The following EFHB variants were observed in gnomAD, a reference collection of about 807,000 sequenced individuals.
The protein encoded by EFHB is EF-hand domain-containing family member B.
A neutral mutation model predicts 87.2 loss-of-function variants in EFHB; 91 were observed. That is an observed-to-expected ratio of 1.04 (90% CI 0.88 to 1.24). The LOEUF (loss-of-function observed/expected upper bound fraction) is 1.24. EFHB is among the 50% of genes most tolerant of loss of function. The pLI is 0.00. For missense variants in EFHB, 1,084 were observed against 998.8 expected (o/e 1.09, Z -1.15); for synonymous variants, 325 against 333.6 (o/e 0.97, Z 0.28).
intron 1 of EFHB, 46 bp downstream of exon 1, chr3:19,933,184 T>G: frequency 1.3e-6 from 2 of 1,538,566 alleles, no homozygotes; most frequent in Non-Finnish European, 1.8e-6. Flanking sequence ...AATAAAGACA[T>G]GGCTATACAC....
chr3:19,913,409 A>C (rs1366327860), intron 5 of EFHB, among the ~76,000 whole-genome samples: 1 of 152,244 alleles, frequency 6.6e-6, no homozygotes, highest in African/African-American at 2.4e-5. Flanking sequence ...ACAGTGAATG[A>C]TGTGAAAAAG....
At chr3:19,912,027 A>G (rs946491234) in intron 5 of EFHB, among the ~76,000 whole-genome samples, 3 of 152,118 alleles carry the variant, frequency 2.0e-5, no homozygotes, top group East Asian at 3.8e-4. Flanking sequence ...ATAGGAGTAG[A>G]AAGTTTATTC....
intron 4 of EFHB, among the ~76,000 whole-genome samples, chr3:19,916,500 G>A (rs1352854515): frequency 6.6e-6 from 1 of 151,842 alleles, no homozygotes; most frequent in Non-Finnish European, 1.5e-5. Context: ...GGGCAACAGA[G>A]TGAGACTCCG....
intron 1 of EFHB, chr3:19,943,347 T>C (rs1355013060): frequency 5.7e-6 from 1 of 175,224 alleles, no homozygotes; most frequent in Non-Finnish European, 1.2e-5. Context: ...GATTGGATTC[T>C]GAAGAAAGAC....
Position 19,884,481 on chromosome 3 carries a change from G to A in EFHB, c.2068C>T (p.Pro690Ser). 6.2e-7 allele frequency: 1 copy of A among 1,613,926 alleles called. No individual in the cohort carries two copies. Among genetic ancestry groups the A allele is most frequent in the South Asian group, 1.1e-5 (1 of 91,082 alleles). The change falls in exon 11 of 13, where the codon CCA becomes TCA. Residue 690 changes from proline (P) to serine (S), a missense_variant. By Grantham distance (74) the Pro-to-Ser change is moderately conservative (BLOSUM62 -1). Coordinates refer to ENST00000295824, the MANE Select transcript of EFHB (RefSeq NM_144715.4). ...TAGTAGTTGGAAACTTTATCACTTGGTCTCAGAAGTGTCCGGAGAGTCTTT... is the reference window on the plus strand; with the variant it reads ...TAGTAGTTGGAAACTTTATCACTTGATCTCAGAAGTGTCCGGAGAGTCTTT... ...TEKTLRTLLR[P>S]SDKVSNYYKT...
upstream of EFHB, chr3:19,936,256 G>A: frequency 1.4e-6 from 1 of 735,352 alleles, no homozygotes; most frequent in Non-Finnish European, 2.4e-6. Context: ...AGGCTGAAGT[G>A]GGAGGATCAC....
At chr3:19,904,868 C>CT (rs770201938) in intron 6 of EFHB, among the ~76,000 whole-genome samples, 1 of 152,172 alleles carries the variant, frequency 6.6e-6, no homozygotes, top group Non-Finnish European at 1.5e-5. Context: ...TATCCACAAT[C>CT]TTCTGATTTT....
At chr3:19,888,728 G>GA in intron 9 of EFHB, 77 bp from the exon 10 acceptor site, 1 of 1,199,956 alleles carries the variant, frequency 8.3e-7, no homozygotes, top group Non-Finnish European at 1.2e-6. Context: ...TTTAGTTTAA[G>GA]AAAAAAGAAA....
intron 1 of EFHB, among the ~76,000 whole-genome samples, chr3:19,928,246 T>C (rs1047575802): frequency 6.6e-6 from 1 of 152,138 alleles, no homozygotes; most frequent in Non-Finnish European, 1.5e-5. Flanking sequence ...AAATGAACTA[T>C]TTTAATTCAG....
At chr3:19,887,344 C>T (rs6550213) in intron 10 of EFHB, among the ~76,000 whole-genome samples, 42,137 of 146,058 alleles carry the variant, frequency 0.29, 6,749 homozygotes, top group African/African-American at 0.42. Flanking sequence ...AAGATCACAC[C>T]ACTGCACTCC....
intron 1 of EFHB, among the ~76,000 whole-genome samples, chr3:19,929,409 C>G (rs1367157035): frequency 6.6e-6 from 1 of 151,622 alleles, no homozygotes; most frequent in Non-Finnish European, 1.5e-5. Context: ...AAAGAGTTAA[C>G]TAAAGAATTG....
intron 6 of EFHB, among the ~76,000 whole-genome samples, chr3:19,901,188 A>G (rs2929379): frequency 1 from 152,033 of 152,264 alleles, 75,902 homozygotes; most frequent in Middle Eastern, 1. Context: ...AGGGAGCCAC[A>G]CTAGGAAAAA....
rs754298243 is a variant in EFHB at position 19,879,817 on chromosome 3, A to C, written c.2329-13T>G. On this transcript the variant is annotated splice_polypyrimidine_tract_variant and intron_variant, in intron 12 of 12. Transcript: ENST00000295824. The stretch of plus-strand genomic sequence containing the variant: ...ATATCTCTGCAATCTAGAAAAAGGC[A>C]TTTAAAATAGACCATGATTTATATG... The C allele has an allele frequency of 1.3e-6, 2 of 1,566,252 alleles. No individual in the cohort carries two copies. Among genetic ancestry groups the C allele is most frequent in the African/African-American group, 2.7e-5 (2 of 72,992 alleles).
intron 9 of EFHB, among the ~76,000 whole-genome samples, chr3:19,892,594 G>A (rs536416140): frequency 2.6e-5 from 4 of 152,306 alleles, no homozygotes; most frequent in Non-Finnish European, 5.9e-5. Context: ...GATTCTAGGA[G>A]GTTCAAATTT....
chr3:19,885,607 A>T (rs1694071961), intron 10 of EFHB, among the ~76,000 whole-genome samples: 1 of 152,194 alleles, frequency 6.6e-6, no homozygotes, highest in South Asian at 2.1e-4. Flanking sequence ...ATCTTTAGAA[A>T]AATTCTAAAG....
intron 1 of EFHB, among the ~76,000 whole-genome samples, chr3:19,927,953 A>G (rs1695688452): frequency 6.7e-6 from 1 of 148,748 alleles, no homozygotes. Context: ...TATATAGTAT[A>G]TACTATATAT....
At chr3:19,913,565 C>A (rs1311822125) in intron 5 of EFHB, among the ~76,000 whole-genome samples, 1 of 152,124 alleles carries the variant, frequency 6.6e-6, no homozygotes, top group Non-Finnish European at 1.5e-5. Context: ...AAATCAAAAA[C>A]TATTTTATGT....
chr3:19,918,304 G>A lies in EFHB; in HGVS notation c.1105C>T (p.His369Tyr). ...TTTGGTAATCCTGGTGCTTGATCGTGAGATTTTCCTAATGGTGCTCGTCGA... is the reference window on the plus strand; with the variant it reads ...TTTGGTAATCCTGGTGCTTGATCGTAAGATTTTCCTAATGGTGCTCGTCGA... ...SNRRAPLGKSHDQAPGLPKGM... is the reference protein window; with the variant it reads ...SNRRAPLGKSYDQAPGLPKGM... Residue 369 changes from histidine (H) to tyrosine (Y), a missense_variant, in exon 4 of 13, where the codon CAC (histidine) becomes TAC (tyrosine). By Grantham distance (83) the His-to-Tyr change is moderately conservative. Transcript: ENST00000295824. The A allele has an allele frequency of 6.2e-7, 1 of 1,613,350 alleles. No individual in the cohort carries two copies. Among genetic ancestry groups the A allele is most frequent in the Non-Finnish European group, 8.5e-7 (1 of 1,179,736 alleles).
chr3:19,939,376 T>C (rs1199838952), intron 1 of EFHB, among the ~76,000 whole-genome samples: 7 of 94,140 alleles, frequency 7.4e-5, no homozygotes, highest in Admixed American at 6.0e-4. Context: ...TCTCCTTTTT[T>C]TTTTTTTTTT....
Sources: allele counts gnomAD v4.1 joint callset (sites outside exome capture counted in the v4.1 genomes callset), GRCh38; gene constraint gnomAD v4.1.1; transcripts MANE v1.5; gene names NCBI Gene and HGNC (gene_info 2026-07-23, HGNC 2026-07-21).